The following AXDND1 variants were observed in gnomAD, a reference collection of about 807,000 sequenced individuals.
AXDND1 encodes axonemal dynein light chain domain containing 1.
Under a neutral mutation model 137.5 loss-of-function variants are expected in AXDND1, and 110 were observed. The observed-to-expected ratio is 0.80, with a 90% CI of 0.69 to 0.94. The LOEUF (loss-of-function observed/expected upper bound fraction) is 0.94, where lower values mean the gene tolerates loss of function less well. AXDND1 is among the 40% of genes least tolerant of loss of function. AXDND1 has a pLI of 0.00. For missense variants in AXDND1, 1,191 were observed against 1,169.8 expected (o/e 1.02, Z -0.26); for synonymous variants, 414 against 399.7 (o/e 1.04, Z -0.43).
chr1:179,501,612 T>C (rs919712936), intron 20 of AXDND1, among the ~76,000 whole-genome samples: 1 of 151,930 alleles, frequency 6.6e-6, no homozygotes, highest in African/African-American at 2.4e-5. Flanking sequence ...CTGGGGAGGG[T>C]GAGGCAGGAG....
At chr1:179,528,187 C>G (rs1670716595) in intron 22 of AXDND1, 140 bp from the exon 23 acceptor site, 1 of 623,446 alleles carries the variant, frequency 1.6e-6, no homozygotes, top group Non-Finnish European at 2.8e-6. Flanking sequence ...TGAAAGTCTT[C>G]AAAAATTCTT....
chr1:179,483,304 T>C, intron 18 of AXDND1, 83 bp downstream of exon 18: 2 of 876,302 alleles, frequency 2.3e-6, no homozygotes, highest in Admixed American at 5.2e-5. Flanking sequence ...TCTCCCTATT[T>C]AAATGAAGCA....
At chr1:179,411,294 A>T in intron 12 of AXDND1, 28 bp downstream of exon 12, 1 of 1,597,060 alleles carries the variant, frequency 6.3e-7, no homozygotes. Flanking sequence ...CACAACTCAC[A>T]CTTCTTTTTT....
intron 24 of AXDND1, chr1:179,534,481 C>T (rs1671325390): frequency 3.0e-6 from 1 of 337,670 alleles, no homozygotes; most frequent in South Asian, 9.9e-5. Context: ...TCCAGATACC[C>T]CAAATCAGAT....
intron 12 of AXDND1, among the ~76,000 whole-genome samples, chr1:179,425,495 C>T (rs1294051344): frequency 6.6e-6 from 1 of 152,036 alleles, no homozygotes; most frequent in African/African-American, 2.4e-5. Context: ...CTCTGCCTGT[C>T]CTCAGGCATA....
intron 25 of AXDND1, chr1:179,543,706 G>C (rs1672380946): frequency 6.6e-6 from 1 of 152,180 alleles, no homozygotes; most frequent in South Asian, 2.1e-4. Flanking sequence ...ACCACATTCT[G>C]TCCTGCCCCA....
intron 11 of AXDND1, among the ~76,000 whole-genome samples, chr1:179,408,133 G>T (rs1029897205): frequency 1.3e-5 from 2 of 151,854 alleles, no homozygotes; most frequent in Non-Finnish European, 2.9e-5. Flanking sequence ...TATGATACCT[G>T]TCTCTGTTGA....
chr1:179,436,071 C>G (rs1052012938), intron 15 of AXDND1, among the ~76,000 whole-genome samples: 1 of 151,912 alleles, frequency 6.6e-6, no homozygotes, highest in African/African-American at 2.4e-5. Context: ...ATTTATGTGG[C>G]CAACAAACAT....
At chr1:179,453,361 A>G (rs914921990) in intron 16 of AXDND1, 5 of 152,494 alleles carry the variant, frequency 3.3e-5, no homozygotes, top group East Asian at 1.9e-4. Flanking sequence ...ACAGACACTC[A>G]TTGCCAGACC....
chr1:179,413,932 C>T (rs947700789), intron 12 of AXDND1, among the ~76,000 whole-genome samples: 4 of 151,864 alleles, frequency 2.6e-5, no homozygotes, highest in Admixed American at 6.6e-5. Flanking sequence ...TAATAATAGC[C>T]GTTCTGACTG....
At chr1:179,426,786 TATG>T (rs1390174830) in intron 12 of AXDND1, among the ~76,000 whole-genome samples, 1 of 152,202 alleles carries the variant, frequency 6.6e-6, no homozygotes, top group Non-Finnish European at 1.5e-5. Context: ...CAAAGATGGC[TATG>T]ATAAGTAAAA....
At position 179,370,221 on chromosome 1, in the gene AXDND1, T is replaced by C. The variant is rs1410381530; in HGVS notation, c.374+143T>C. The C allele has an allele frequency of 5.9e-6, 4 of 674,338 alleles. No homozygotes were observed. In the Admixed American group the frequency reaches 7.9e-5, roughly 13 times the overall value. 41.8% of individuals were successfully genotyped at this position (674,338 alleles called of 1,614,324 possible). ...ACAGTATCTTTGAATCAGAATACAA[T>C]CCAGAAGGGCCAAAGACCATCTTTT... On this transcript the variant is annotated intron_variant, in intron 4 of 25. Coordinates refer to ENST00000367618, the MANE Select transcript of AXDND1 (RefSeq NM_144696.6).
intron 6 of AXDND1, 92 bp downstream of exon 6, chr1:179,379,574 A>G (rs1181994898): frequency 1.3e-6 from 2 of 1,509,602 alleles, no homozygotes; most frequent in Non-Finnish European, 1.8e-6. Context: ...CGGGTGGATC[A>G]TCTGAGGTCA....
intron 16 of AXDND1, among the ~76,000 whole-genome samples, chr1:179,445,686 C>T (rs1337953715): frequency 1.3e-5 from 2 of 152,172 alleles, no homozygotes; most frequent in East Asian, 3.8e-4. Context: ...ATTATCAGTA[C>T]TTCACCCATT....
At chr1:179,507,945 A>T (rs1419764032) in intron 20 of AXDND1, among the ~76,000 whole-genome samples, 1 of 152,238 alleles carries the variant, frequency 6.6e-6, no homozygotes, top group East Asian at 1.9e-4. Context: ...ACCATCAGTG[A>T]CATTAACAAA....
intron 12 of AXDND1, among the ~76,000 whole-genome samples, chr1:179,420,107 G>T (rs75275635): frequency 0.02 from 3,031 of 152,212 alleles, 108 homozygotes; most frequent in African/African-American, 0.069. Flanking sequence ...TTATTTTGAG[G>T]TATGTTTCTT....
intron 16 of AXDND1, among the ~76,000 whole-genome samples, chr1:179,465,438 A>G (rs1222916647): frequency 6.6e-6 from 1 of 152,210 alleles, no homozygotes; most frequent in Non-Finnish European, 1.5e-5. Context: ...AGAACAGCAA[A>G]TATTGCAGAA....
intron 16 of AXDND1, chr1:179,452,973 C>T (rs943083523): frequency 8.5e-5 from 13 of 152,252 alleles, no homozygotes; most frequent in African/African-American, 3.1e-4. Flanking sequence ...CCCAGCTGCT[C>T]TAGCTGTGGC....
chr1:179,382,908 GT>G, intron 7 of AXDND1, 152 bp downstream of exon 7: 1 of 522,364 alleles, frequency 1.9e-6, no homozygotes, highest in South Asian at 3.9e-5. Flanking sequence ...CAGTGTTTTC[GT>G]TTTTACAATT....
Sources: allele counts gnomAD v4.1 joint callset (sites outside exome capture counted in the v4.1 genomes callset), GRCh38; gene constraint gnomAD v4.1.1; transcripts MANE v1.5; gene names NCBI Gene and HGNC (gene_info 2026-07-23, HGNC 2026-07-21).